C13orf42: variants seen among roughly 807,000 people sequenced by gnomAD.
The protein encoded by C13orf42 is chromosome 13 open reading frame 42, also known as uncharacterized protein C13orf42.
intron 1 of C13orf42, among the ~76,000 whole-genome samples, chr13:51,163,474 T>G (rs1004659956): frequency 6.6e-6 from 1 of 152,078 alleles, no homozygotes; most frequent in African/African-American, 2.4e-5. Flanking sequence ...TTTGAGGACT[T>G]ACATACATGG....
chr13:51,094,405 C>G (rs570504761), intron 1 of C13orf42, among the ~76,000 whole-genome samples: 2 of 152,280 alleles, frequency 1.3e-5, no homozygotes, highest in African/African-American at 4.8e-5. Context: ...GGTGTGTTCA[C>G]GGTTCCTCTT....
chr13:51,088,062 T>C lies in C13orf42; in HGVS notation c.428A>G (p.Lys143Arg). ...ATCAGCACTGAACTGCGAGTATTTC[T>C]TTGGGGTTGCTTTCTGCAAGAGGTG... ...TPKEIKKATP[K>R]KYSQFSADVA... Residue 143 changes from lysine (K) to arginine (R), a missense_variant, in exon 2 of 4, where the codon AAG becomes AGG. By Grantham distance (26) the Lys-to-Arg change is conservative (BLOSUM62 2). Coordinates refer to ENST00000563710, the MANE Select transcript of C13orf42 (RefSeq NM_001351589.3). The C allele has an allele frequency of 2.5e-6, 1 of 398,784 alleles. No individual in the cohort carries two copies. Among genetic ancestry groups the C allele is most frequent in the Non-Finnish European group, 4.4e-6 (1 of 226,178 alleles). 24.7% of individuals were successfully genotyped at this position (398,784 alleles called of 1,614,324 possible).
At chr13:51,133,651 C>T (rs1309394311) in intron 1 of C13orf42, among the ~76,000 whole-genome samples, 3 of 152,166 alleles carry the variant, frequency 2.0e-5, no homozygotes, top group African/African-American at 4.8e-5. Flanking sequence ...CCCCAATGGG[C>T]CCCAGGAAAG....
At chr13:51,129,262 T>C (rs1417327128) in intron 1 of C13orf42, among the ~76,000 whole-genome samples, 1 of 152,136 alleles carries the variant, frequency 6.6e-6, no homozygotes, top group Non-Finnish European at 1.5e-5. Context: ...GTGTACGTTT[T>C]ATTCATCTGT....
intron 1 of C13orf42, among the ~76,000 whole-genome samples, chr13:51,129,538 A>G (rs1953599847): frequency 6.6e-6 from 1 of 152,128 alleles, no homozygotes; most frequent in Admixed American, 6.5e-5. Context: ...TGTCGGCCAC[A>G]ATGGGCATGT....
intron 1 of C13orf42, among the ~76,000 whole-genome samples, chr13:51,100,776 A>C (rs1388564727): frequency 6.6e-6 from 1 of 152,202 alleles, no homozygotes. Flanking sequence ...GAATCCCTAA[A>C]AAATAATGAC....
intron 1 of C13orf42, among the ~76,000 whole-genome samples, chr13:51,135,282 A>G (rs1325529385): frequency 6.6e-6 from 1 of 152,154 alleles, no homozygotes; most frequent in Non-Finnish European, 1.5e-5. Context: ...AGAGAATGAG[A>G]GAAGGTGCTA....
chr13:51,149,327 A>G (rs1487654033), intron 1 of C13orf42, among the ~76,000 whole-genome samples: 1 of 152,004 alleles, frequency 6.6e-6, no homozygotes, highest in East Asian at 1.9e-4. Flanking sequence ...AAAAAAAAAA[A>G]AAACCCTAAA....
At chr13:51,134,309 C>T (rs544553881) in intron 1 of C13orf42, among the ~76,000 whole-genome samples, 2 of 152,204 alleles carry the variant, frequency 1.3e-5, no homozygotes, top group East Asian at 3.8e-4. Context: ...TTCTGAGGCA[C>T]TCCTCAGTCT....
chr13:51,153,440 A>G (rs1953796443), intron 1 of C13orf42, among the ~76,000 whole-genome samples: 1 of 150,312 alleles, frequency 6.7e-6, no homozygotes, highest in African/African-American at 2.5e-5. Context: ...ATAAAAAAAC[A>G]TGACAGAGAG....
intron 1 of C13orf42, chr13:51,161,867 T>G: frequency 2.1e-6 from 1 of 467,814 alleles, no homozygotes; most frequent in South Asian, 1.7e-5. Context: ...CCCAAAAACT[T>G]TATTGTCAGT....
chr13:51,158,330 C>T (rs866278237), intron 1 of C13orf42, among the ~76,000 whole-genome samples: 1 of 152,232 alleles, frequency 6.6e-6, no homozygotes, highest in Non-Finnish European at 1.5e-5. Context: ...ATGCCTCTCC[C>T]TGCTTCTCTT....
At chr13:51,151,289 G>A (rs1047085743) in intron 1 of C13orf42, among the ~76,000 whole-genome samples, 3 of 151,906 alleles carry the variant, frequency 2.0e-5, no homozygotes, top group African/African-American at 7.3e-5. Flanking sequence ...AAATGTGAGA[G>A]AGACTCAGCA....
intron 1 of C13orf42, among the ~76,000 whole-genome samples, chr13:51,117,550 T>A (rs1259810784): frequency 6.6e-6 from 1 of 152,138 alleles, no homozygotes; most frequent in Non-Finnish European, 1.5e-5. Context: ...AACAGAAAAA[T>A]TGAGTGTGAA....
At chr13:51,102,017 G>T (rs1039350249) in intron 1 of C13orf42, among the ~76,000 whole-genome samples, 1 of 152,202 alleles carries the variant, frequency 6.6e-6, no homozygotes, top group Non-Finnish European at 1.5e-5. Context: ...GAGAGGGACT[G>T]CAGGAATCAT....
intron 1 of C13orf42, among the ~76,000 whole-genome samples, chr13:51,097,463 T>C (rs1267599876): frequency 6.6e-6 from 1 of 152,206 alleles, no homozygotes; most frequent in Non-Finnish European, 1.5e-5. Context: ...AAGTCTAAAC[T>C]ACCAGTCAGG....
chr13:51,149,460 T>C (rs1953763533), intron 1 of C13orf42, among the ~76,000 whole-genome samples: 1 of 152,148 alleles, frequency 6.6e-6, no homozygotes, highest in Non-Finnish European at 1.5e-5. Flanking sequence ...AGAAATGATT[T>C]CTCTAAAGAG....
At chr13:51,092,700 TTA>T (rs1288424167) in intron 1 of C13orf42, among the ~76,000 whole-genome samples, 1 of 152,106 alleles carries the variant, frequency 6.6e-6, no homozygotes, top group East Asian at 1.9e-4. Context: ...GAAGTCCAAA[TTA>T]TATAAACCAG....
chr13:51,108,739 C>T (rs1256311861), intron 1 of C13orf42, among the ~76,000 whole-genome samples: 1 of 152,202 alleles, frequency 6.6e-6, no homozygotes, highest in Non-Finnish European at 1.5e-5. Context: ...AGGCACACAG[C>T]TGGTAAATAG....
Sources: allele counts gnomAD v4.1 joint callset (sites outside exome capture counted in the v4.1 genomes callset), GRCh38; gene constraint gnomAD v4.1.1; transcripts MANE v1.5; gene names NCBI Gene and HGNC (gene_info 2026-07-23, HGNC 2026-07-21).